NUP58: variants seen among roughly 807,000 people sequenced by gnomAD.
The protein encoded by NUP58 is nucleoporin 58, also known as nucleoporin p58/p45.
Under a neutral mutation model 70.1 loss-of-function variants are expected in NUP58, and 17 were observed. That is an observed-to-expected ratio of 0.24 (90% CI 0.17 to 0.36). The LOEUF (loss-of-function observed/expected upper bound fraction) is 0.36. Among genes scored for constraint, NUP58 ranks in the 10% least tolerant of loss-of-function variants. The pLI is 1.00. For missense variants in NUP58, 644 were observed against 701.5 expected (o/e 0.92, Z 0.93); for synonymous variants, 275 against 257.6 (o/e 1.07, Z -0.65).
rs1363017471 is a variant in NUP58 at position 25,316,445 on chromosome 13, G to T, written c.685+978G>T. The stretch of plus-strand genomic sequence containing the variant: ...TGAAATAGTATCTGTGTATCTATAT[G>T]ACTTTTTTTTTAAAAAACTGGACAC... On this transcript the variant is annotated intron_variant, in intron 6 of 15. Transcript: ENST00000381736. Among the ~76,000 whole-genome samples the T allele has an allele frequency of 1.8e-4, 4 of 22,320 alleles. No individual in the cohort carries two copies. In the Non-Finnish European group the frequency reaches 3.0e-3, roughly 17 times the overall value. The allele number at this position is 22,320 out of a possible 152,430, so 14.6% of individuals were successfully genotyped here. A position where few individuals can be genotyped will look rare whatever the true frequency, so the allele number is the denominator to read the frequency against.
chr13:25,324,802 T>C (rs1364214531), intron 9 of NUP58, among the ~76,000 whole-genome samples, 187 bp from the exon 10 acceptor site: 1 of 152,216 alleles, frequency 6.6e-6, no homozygotes, highest in Non-Finnish European at 1.5e-5. Flanking sequence ...AACTGTAATT[T>C]GTCTGCTCTT....
chr13:25,342,757 TA>T (rs2031990757), downstream of NUP58, among the ~76,000 whole-genome samples: 1 of 152,180 alleles, frequency 6.6e-6, no homozygotes, highest in Admixed American at 6.5e-5. Context: ...AAAGAATATA[TA>T]AATGTTACTT....
At chr13:25,308,310 C>CT (rs949692875) in intron 2 of NUP58, among the ~76,000 whole-genome samples, 4 of 151,332 alleles carry the variant, frequency 2.6e-5, no homozygotes, top group African/African-American at 9.7e-5. Flanking sequence ...TATTTTTTTT[C>CT]TTTTTTTAGA....
At chr13:25,331,291 T>C in intron 12 of NUP58, 66 bp from the exon 13 acceptor site, 9 of 1,431,082 alleles carry the variant, frequency 6.3e-6, no homozygotes, top group Non-Finnish European at 8.8e-6. Context: ...ATGGTTATAT[T>C]CATCCACATA....
Position 25,336,918 on chromosome 13 carries a change from T to C in NUP58, c.1436-18T>C. On this transcript the variant is annotated intron_variant, in intron 13 of 15. Coordinates refer to ENST00000381736, the MANE Select transcript of NUP58 (RefSeq NM_014089.4). ...TTTGTTTTTTTTCCCCCCCATTTTT[T>C]TTTTTTTTTTATACCAGGGCCACAG... 2.0e-6 allele frequency: 3 copies of C among 1,525,204 alleles called. No homozygotes were observed. The highest frequency in any genetic ancestry group is 2.6e-6 in the Non-Finnish European group (3 of 1,138,222). The allele number at this position is 1,525,204 out of a possible 1,614,324, so 94.5% of individuals were successfully genotyped here.
chr13:25,349,341 G>C (rs1426657664), intron 3 of NUP58, among the ~76,000 whole-genome samples: 1 of 152,214 alleles, frequency 6.6e-6, no homozygotes, highest in Non-Finnish European at 1.5e-5. Flanking sequence ...ACTAGGGTTA[G>C]AATCTCAGCT....
At chr13:25,336,411 G>GT (rs1289809331) in intron 13 of NUP58, 1 of 615,882 alleles carries the variant, frequency 1.6e-6, no homozygotes, top group Non-Finnish European at 2.4e-6. Flanking sequence ...ATCATGCCTA[G>GT]TTTTTTGGGT....
chr13:25,308,389 G>A (rs1325262771), intron 2 of NUP58, among the ~76,000 whole-genome samples: 1 of 151,896 alleles, frequency 6.6e-6, no homozygotes, highest in African/African-American at 2.4e-5. Flanking sequence ...TAGCCTTGCA[G>A]CCTCTCGGGC....
intron 3 of NUP58, among the ~76,000 whole-genome samples, chr13:25,312,275 C>T (rs1254568585): frequency 1.3e-5 from 2 of 152,018 alleles, no homozygotes; most frequent in Non-Finnish European, 2.9e-5. Context: ...CATTTTTCTG[C>T]TGAGAGGGAA....
rs1448163306 is a variant in NUP58 at position 25,320,994 on chromosome 13, A to G, written c.852A>G (p.Gln284=). The part of the protein sequence containing the change: ...RMSSKAMLKV[Q]EDIKALKQLL... ...CTTCAAAAGCAATGCTTAAGGTACA[A>G]GAAGATATTAAAGCTCTGAAGCAGC... The change falls in exon 9 of 16, where the codon CAA becomes CAG. Residue 284 remains glutamine (Q), a synonymous_variant. Transcript: ENST00000381736. 2 of 1,601,420 alleles carry G rather than the reference A, an allele frequency of 1.2e-6. No homozygotes were observed. Among genetic ancestry groups the G allele is most frequent in the East Asian group, 2.3e-5 (1 of 44,210 alleles).
chr13:25,344,593 T>C (rs1437295868), downstream of NUP58, among the ~76,000 whole-genome samples: 2 of 152,226 alleles, frequency 1.3e-5, no homozygotes, highest in South Asian at 2.1e-4. Flanking sequence ...GTCTATTTTA[T>C]TGAGTTTGAT....
At chr13:25,335,195 A>G (rs781085528) in intron 13 of NUP58, 14 of 985,178 alleles carry the variant, frequency 1.4e-5, no homozygotes, top group Non-Finnish European at 1.6e-5. Context: ...CTGATGTGCA[A>G]TGGAAAGTCT....
Position 25,339,988 on chromosome 13 carries a change from G to T in NUP58, c.1654G>T (p.Gly552Trp). The T allele has an allele frequency of 6.2e-7, 1 of 1,608,700 alleles. No homozygotes were observed. ...AGGCTTTGGCAGCTCAAGTACATCT[G>T]GGTTTAACTTCAGCAATCCTGGCAT... ...SAGFGSSSTS[G>W]FNFSNPGITA... Residue 552 changes from glycine (G) to tryptophan (W), a missense_variant, in exon 16 of 16, where the codon GGG (glycine) becomes TGG (tryptophan). Around this residue, in one of 4 missense-constraint regions of NUP58, gnomAD observed 132 missense variants for 203.9 expected, o/e 0.65. Coordinates refer to ENST00000381736, the MANE Select transcript of NUP58 (RefSeq NM_014089.4).
At chr13:25,328,759 G>A (rs1000002976) in intron 12 of NUP58, among the ~76,000 whole-genome samples, 7 of 152,072 alleles carry the variant, frequency 4.6e-5, no homozygotes, top group Admixed American at 3.3e-4. Flanking sequence ...AAATGTTCAA[G>A]GTAAGTACAT....
chr13:25,320,711 T>G, intron 8 of NUP58, 116 bp downstream of exon 8: 1 of 803,864 alleles, frequency 1.2e-6, no homozygotes. Context: ...TAACTAGGGT[T>G]AAAATGTTAG....
At chr13:25,327,623 G>T in intron 12 of NUP58, 111 bp downstream of exon 12, 15 of 610,766 alleles carry the variant, frequency 2.5e-5, no homozygotes, top group Admixed American at 6.4e-5. Context: ...TTACATATAA[G>T]TGAAAAGATG....
rs991950617 is a variant in NUP58, at chr13:25,304,114, A to T, written c.107+2234A>T. On this transcript the variant is annotated intron_variant, in intron 1 of 15. Transcript: ENST00000381736. ...GTTGATGAGTGAGATGAAGTATTTA[A>T]ATATTTAGCATCAAGTCTGGCACTT... is the stretch of plus-strand genomic sequence containing the variant. Among the ~76,000 whole-genome samples the T allele has an allele frequency of 1.2e-4, 18 of 152,140 alleles. 1 individual carries two copies. Among genetic ancestry groups the T allele is most frequent in the East Asian group, 3.9e-4 (2 of 5,194 alleles).
At chr13:25,344,859 TA>T (rs986184936), downstream of NUP58, among the ~76,000 whole-genome samples, 38 of 152,204 alleles carry the variant, frequency 2.5e-4, 1 homozygote, top group African/African-American at 8.9e-4. Context: ...CTGATGATAA[TA>T]TAGTAAATCC....
At chr13:25,334,451 T>G (rs2137823780) in intron 13 of NUP58, 1 of 985,370 alleles carries the variant, frequency 1.0e-6, no homozygotes, top group African/African-American at 1.7e-5. Context: ...TTAGTGTAGG[T>G]TTGGACATTT....
Sources: gnomAD v4.1 joint callset for allele counts (sites outside exome capture counted in the v4.1 genomes callset) on GRCh38, gnomAD v4.1.1 for gene constraint, gnomAD v4.1.1 regional missense constraint, MANE v1.5 for transcripts, NCBI Gene and HGNC (gene_info 2026-07-23, HGNC 2026-07-21) for gene names.